CRISPLD1: variants seen among roughly 807,000 people sequenced by gnomAD.
CRISPLD1 encodes the protein cysteine-rich secretory protein LCCL domain-containing 1.
Under a neutral mutation model 77.5 loss-of-function variants are expected in CRISPLD1, and 60 were observed. That is an observed-to-expected ratio of 0.77 (90% CI 0.63 to 0.96). The LOEUF is 0.96. CRISPLD1 is among the 40% of genes least tolerant of loss of function. CRISPLD1 has a pLI of 0.00. For synonymous variants in CRISPLD1, 195 were observed against 200.1 expected, an observed-to-expected ratio of 0.97 and a Z score of 0.22; for missense variants, 623 against 615.8, an observed-to-expected ratio of 1.01 and a Z score of -0.12.
At chr8:74,996,547 A>G (rs908853510) in intron 2 of CRISPLD1, among the ~76,000 whole-genome samples, 5 of 152,072 alleles carry the variant, frequency 3.3e-5, no homozygotes, top group Admixed American at 3.3e-4. Flanking sequence ...CTAAGGAAAG[A>G]TACAGAGACC....
intron 2 of CRISPLD1, among the ~76,000 whole-genome samples, chr8:75,004,385 A>C (rs1013960616): frequency 1.3e-5 from 2 of 152,046 alleles, no homozygotes; most frequent in African/African-American, 2.4e-5. Flanking sequence ...TCACAAAAGC[A>C]TCTCACACTC....
At chr8:75,021,094 A>G (rs1162027758) in intron 12 of CRISPLD1, among the ~76,000 whole-genome samples, 5 of 152,158 alleles carry the variant, frequency 3.3e-5, no homozygotes, top group Non-Finnish European at 7.4e-5. Context: ...TATCATTGTA[A>G]TTTGACAAAA....
intron 12 of CRISPLD1, among the ~76,000 whole-genome samples, chr8:75,024,905 G>A (rs1813205617): frequency 1.3e-5 from 2 of 152,186 alleles, no homozygotes; most frequent in Non-Finnish European, 2.9e-5. Flanking sequence ...TGGAATCATG[G>A]AGGTGCCATT....
intron 2 of CRISPLD1, among the ~76,000 whole-genome samples, chr8:74,999,284 T>C (rs1268123646): frequency 1.3e-5 from 2 of 152,204 alleles, no homozygotes; most frequent in Non-Finnish European, 2.9e-5. Context: ...GGCAAACATT[T>C]GAACAAGGAC....
intron 2 of CRISPLD1, among the ~76,000 whole-genome samples, chr8:75,008,075 T>C (rs1812865790): frequency 6.6e-6 from 1 of 152,132 alleles, no homozygotes; most frequent in Admixed American, 6.6e-5. Context: ...AGTTTAAAAA[T>C]ATCATTGGAG....
intron 6 of CRISPLD1, among the ~76,000 whole-genome samples, chr8:75,016,044 T>G (rs1281677373): frequency 1.3e-5 from 2 of 152,192 alleles, no homozygotes; most frequent in East Asian, 3.9e-4. Context: ...TACTCAAGTT[T>G]AAATTTCTGC....
chr8:74,991,948 C>G (rs1031400494), intron 2 of CRISPLD1, among the ~76,000 whole-genome samples: 2 of 152,170 alleles, frequency 1.3e-5, no homozygotes, highest in Non-Finnish European at 2.9e-5. Context: ...GTATTAAAGC[C>G]TATTTCTTTT....
chr8:75,024,430 A>G (rs893559444), intron 12 of CRISPLD1, among the ~76,000 whole-genome samples: 1 of 152,092 alleles, frequency 6.6e-6, no homozygotes, highest in African/African-American at 2.4e-5. Context: ...GGTTCCAACA[A>G]TTCTCCTCCA....
At position 74,985,963 on chromosome 8, in the gene CRISPLD1, T is replaced by G; in HGVS notation, c.-25T>G. On this transcript the variant is annotated 5_prime_UTR_variant, in exon 2 of 15. Coordinates refer to ENST00000262207, the MANE Select transcript of CRISPLD1 (RefSeq NM_031461.6). ...GAAGAGCCTGTCTTGGAGATTTTCC[T>G]GGGGAAATCCTGAGGTCATTCATTA... is the stretch of plus-strand genomic sequence containing the variant. 6.3e-7 allele frequency: 1 copy of G among 1,594,694 alleles called. No individual in the cohort carries two copies. Among genetic ancestry groups the G allele is most frequent in the Non-Finnish European group, 8.6e-7 (1 of 1,166,438 alleles).
Position 74,985,588 on chromosome 8 carries a change from G to T in CRISPLD1, c.-62-338G>T, listed in dbSNP as rs142701238. ...TAGGTAGATATAACATCCTTTGCAGGGTATATGTAATGTATAGCCACTTAA... is the reference window on the plus strand; with the variant it reads ...TAGGTAGATATAACATCCTTTGCAGTGTATATGTAATGTATAGCCACTTAA... On this transcript the variant is annotated intron_variant, in intron 1 of 14. Transcript: ENST00000262207. Among the ~76,000 whole-genome samples, 1,103 of 152,118 alleles carry T rather than the reference G, an allele frequency of 7.3e-3. 15 individuals are homozygous for T. The highest frequency in any genetic ancestry group is 0.025 in the African/African-American group (1,056 of 41,504).
chr8:75,008,435 A>T (rs1267940069), intron 2 of CRISPLD1, among the ~76,000 whole-genome samples: 1 of 152,186 alleles, frequency 6.6e-6, no homozygotes, highest in African/African-American at 2.4e-5. Flanking sequence ...TGGCAGTTTT[A>T]AAACGTGAAA....
intron 2 of CRISPLD1, among the ~76,000 whole-genome samples, chr8:74,987,481 A>C (rs1812513821): frequency 6.6e-6 from 1 of 152,252 alleles, no homozygotes; most frequent in African/African-American, 2.4e-5. Flanking sequence ...AGTTTAGCTC[A>C]TTAGCAAACA....
At chr8:75,025,007 T>C (rs1433477109) in intron 12 of CRISPLD1, among the ~76,000 whole-genome samples, 3 of 152,140 alleles carry the variant, frequency 2.0e-5, no homozygotes, top group Non-Finnish European at 4.4e-5. Context: ...GTTTGAGATG[T>C]TTATTATAGC....
intron 14 of CRISPLD1, among the ~76,000 whole-genome samples, chr8:75,031,624 T>G (rs1404995126): frequency 6.6e-6 from 1 of 151,842 alleles, no homozygotes; most frequent in Non-Finnish European, 1.5e-5. Context: ...AAGATATTCT[T>G]AGGTCTTTCA....
intron 2 of CRISPLD1, among the ~76,000 whole-genome samples, chr8:75,001,183 A>G (rs1812734582): frequency 6.6e-6 from 1 of 151,686 alleles, no homozygotes. Flanking sequence ...CATAAAACAC[A>G]ATTTTATATA....
chr8:74,991,292 G>A (rs531553110), intron 2 of CRISPLD1, among the ~76,000 whole-genome samples: 53 of 152,094 alleles, frequency 3.5e-4, no homozygotes, highest in Non-Finnish European at 6.6e-4. Context: ...CACCATGCCA[G>A]TCTTTGTACC....
In CRISPLD1 at chr8:75,012,892, A is replaced by T; in HGVS notation, c.380A>T (p.Tyr127Phe). ...GQNLGAHWGR[Y>F]RPPTFHVQSW... ...TGTGACTATTTTCTTTCTAATAGAT[A>T]TAGGCCCCCGACGTTTCATGTACAA... Residue 127 changes from tyrosine (Y) to phenylalanine (F), a missense_variant and splice_region_variant, in exon 4 of 15, where the codon TAT becomes TTT. By Grantham distance (22) the Tyr-to-Phe change is conservative. Coordinates refer to ENST00000262207, the MANE Select transcript of CRISPLD1 (RefSeq NM_031461.6). 6.2e-7 allele frequency: 1 copy of T among 1,609,408 alleles called. No individual in the cohort carries two copies. Among genetic ancestry groups the T allele is most frequent in the South Asian group, 1.1e-5 (1 of 90,342 alleles).
At chr8:75,023,437 C>G (rs567350483) in intron 12 of CRISPLD1, among the ~76,000 whole-genome samples, 17 of 152,226 alleles carry the variant, frequency 1.1e-4, no homozygotes, top group Admixed American at 7.2e-4. Context: ...AACAATCAAG[C>G]CTTTAATTCA....
At chr8:74,988,833 AAAAC>A (rs542651064) in intron 2 of CRISPLD1, among the ~76,000 whole-genome samples, 55 of 152,278 alleles carry the variant, frequency 3.6e-4, no homozygotes, top group Middle Eastern at 6.8e-3. Flanking sequence ...ACACTGCCTT[AAAAC>A]AAACAAAAAA....
Sources: allele counts gnomAD v4.1 joint callset (sites outside exome capture counted in the v4.1 genomes callset), GRCh38; gene constraint gnomAD v4.1.1; transcripts MANE v1.5; gene names NCBI Gene and HGNC (gene_info 2026-07-23, HGNC 2026-07-21).